ARHGAP15: variants seen among roughly 807,000 people sequenced by gnomAD.
ARHGAP15 encodes rho GTPase-activating protein 15.
Under a neutral mutation model 63.7 loss-of-function variants are expected in ARHGAP15, and 51 were observed. The observed-to-expected ratio is 0.80, with a 90% CI of 0.64 to 1.01. The LOEUF (loss-of-function observed/expected upper bound fraction) is 1.01. ARHGAP15 is among the 50% of genes least tolerant of loss of function. ARHGAP15 has a pLI of 0.00. For synonymous variants in ARHGAP15, 191 were observed against 193.8 expected (o/e 0.99, Z 0.12); for missense variants, 560 against 564.6 (o/e 0.99, Z 0.08).
chr2:143,259,966 C>G (rs1046673760), intron 6 of ARHGAP15, among the ~76,000 whole-genome samples: 3 of 152,018 alleles, frequency 2.0e-5, no homozygotes, highest in Non-Finnish European at 2.9e-5. Flanking sequence ...ACATGAGATG[C>G]TTTAATCCCT....
chr2:143,733,379 T>G (rs1177266037), intron 13 of ARHGAP15, among the ~76,000 whole-genome samples: 1 of 152,162 alleles, frequency 6.6e-6, no homozygotes, highest in Non-Finnish European at 1.5e-5. Flanking sequence ...CTGAAGAGTC[T>G]TTTTCCAGAT....
intron 6 of ARHGAP15, among the ~76,000 whole-genome samples, chr2:143,336,487 A>G (rs1223088918): frequency 2.0e-5 from 3 of 152,188 alleles, no homozygotes; most frequent in East Asian, 3.8e-4. Flanking sequence ...TGAAAGACAA[A>G]ATAATTATTA....
chr2:143,331,879 C>T (rs1684564888), intron 6 of ARHGAP15, among the ~76,000 whole-genome samples: 1 of 152,126 alleles, frequency 6.6e-6, no homozygotes. Context: ...GTAAGCTTCA[C>T]ACCTCATAAA....
intron 12 of ARHGAP15, among the ~76,000 whole-genome samples, chr2:143,688,916 T>C (rs1195318297): frequency 2.6e-5 from 4 of 152,168 alleles, no homozygotes; most frequent in Admixed American, 1.3e-4. Context: ...TATATCAAGA[T>C]AGTATACCAC....
intron 11 of ARHGAP15, among the ~76,000 whole-genome samples, chr2:143,618,693 C>T (rs951235315): frequency 6.6e-6 from 1 of 152,144 alleles, no homozygotes; most frequent in Non-Finnish European, 1.5e-5. Context: ...TCTGGATAGT[C>T]CAAGTGCAAG....
intron 6 of ARHGAP15, among the ~76,000 whole-genome samples, chr2:143,258,364 A>G (rs1187381777): frequency 6.6e-6 from 1 of 152,154 alleles, no homozygotes; most frequent in African/African-American, 2.4e-5. Context: ...AAAGCAATAT[A>G]AGAAAATAAC....
chr2:143,327,749 T>A (rs1371059786), intron 6 of ARHGAP15, among the ~76,000 whole-genome samples: 1 of 152,096 alleles, frequency 6.6e-6, no homozygotes, highest in Non-Finnish European at 1.5e-5. Flanking sequence ...AAGCCAAAAT[T>A]CACAAATGTG....
At chr2:143,646,544 G>A (rs530354754) in intron 12 of ARHGAP15, among the ~76,000 whole-genome samples, 117 of 152,106 alleles carry the variant, frequency 7.7e-4, no homozygotes, top group African/African-American at 2.7e-3. Context: ...TTCTGGTCTC[G>A]TATGTCCTTA....
At chr2:143,738,745 A>T (rs1450585490) in intron 13 of ARHGAP15, among the ~76,000 whole-genome samples, 1 of 152,214 alleles carries the variant, frequency 6.6e-6, no homozygotes, top group Non-Finnish European at 1.5e-5. Context: ...TCCGCAAATC[A>T]CATGCTTTGC....
At chr2:143,723,955 T>C (rs1685172298) in intron 13 of ARHGAP15, among the ~76,000 whole-genome samples, 2 of 152,190 alleles carry the variant, frequency 1.3e-5, no homozygotes, top group Non-Finnish European at 2.9e-5. Flanking sequence ...CCAGCTTCAG[T>C]ATGAGGTTCC....
chr2:143,346,172 A>ACT (rs72188499), intron 6 of ARHGAP15, among the ~76,000 whole-genome samples: 6 of 138,828 alleles, frequency 4.3e-5, no homozygotes, highest in South Asian at 2.4e-4. Context: ...ACACACACAC[A>ACT]CTCTCTCTCT....
intron 6 of ARHGAP15, among the ~76,000 whole-genome samples, chr2:143,359,079 G>C (rs1472091309): frequency 6.6e-6 from 1 of 152,066 alleles, no homozygotes; most frequent in African/African-American, 2.4e-5. Flanking sequence ...TATGATATGA[G>C]AAATAGAAAA....
At chr2:143,708,697 AG>A (rs1456647980) in intron 13 of ARHGAP15, among the ~76,000 whole-genome samples, 2 of 152,078 alleles carry the variant, frequency 1.3e-5, no homozygotes, top group African/African-American at 2.4e-5. Flanking sequence ...GGCAGGCATA[AG>A]GAAATTGGAA....
In ARHGAP15 at chr2:143,314,121, C is replaced by T. The variant is rs115313397; in HGVS notation, c.474+63521C>T. Among the ~76,000 whole-genome samples, 737 of 152,128 alleles carry T rather than the reference C, an allele frequency of 4.8e-3. 5 individuals carry two copies. Among genetic ancestry groups the T allele is most frequent in the African/African-American group, 0.016 (678 of 41,508 alleles). ...CAGAAATTTAACTGGCAGCCCACCC[C>T]AGGAAGATAAAATCCTGTTTCATCC... On this transcript the variant is annotated intron_variant, in intron 6 of 13. Transcript: ENST00000295095.
chr2:143,620,519 A>G (rs187545693), intron 11 of ARHGAP15, among the ~76,000 whole-genome samples: 6 of 152,366 alleles, frequency 3.9e-5, no homozygotes, highest in Admixed American at 1.3e-4. Flanking sequence ...TCTTGACATA[A>G]TAGTCAATCA....
chr2:143,307,158 G>A (rs569723458), intron 6 of ARHGAP15, among the ~76,000 whole-genome samples: 2 of 152,016 alleles, frequency 1.3e-5, no homozygotes, highest in Non-Finnish European at 2.9e-5. Context: ...CTTTTTCTGG[G>A]GAAGGGCTTG....
At chr2:143,235,930 T>C (rs775255096) in intron 5 of ARHGAP15, 11 of 1,545,148 alleles carry the variant, frequency 7.1e-6, no homozygotes, top group Middle Eastern at 1.7e-4. Context: ...GTACCTGCTG[T>C]ACTTTGTGAT....
intron 12 of ARHGAP15, among the ~76,000 whole-genome samples, chr2:143,626,131 G>A (rs1243078695): frequency 1.3e-5 from 2 of 152,158 alleles, no homozygotes; most frequent in African/African-American, 4.8e-5. Context: ...TGGCAGAGTT[G>A]AGGCAGCAGA....
chr2:143,220,909 A>G (rs975621061), intron 4 of ARHGAP15, among the ~76,000 whole-genome samples: 1 of 152,114 alleles, frequency 6.6e-6, no homozygotes, highest in Non-Finnish European at 1.5e-5. Context: ...TATAGACTCT[A>G]TTATTGCTTC....
Sources: allele counts gnomAD v4.1 joint callset (sites outside exome capture counted in the v4.1 genomes callset), GRCh38; gene constraint gnomAD v4.1.1; transcripts MANE v1.5; gene names NCBI Gene and HGNC (gene_info 2026-07-23, HGNC 2026-07-21).